Variants in HBEGF observed in about 807,000 individuals in gnomAD.
The protein encoded by HBEGF is heparin binding EGF like growth factor.
A neutral mutation model predicts 19.5 loss-of-function variants in HBEGF; 8 were observed. The ratio of observed to expected loss-of-function variants is 0.41; its 90% confidence interval spans 0.24 to 0.74. The LOEUF (loss-of-function observed/expected upper bound fraction) is 0.74. Among genes scored for constraint, HBEGF ranks in the 30% least tolerant of loss-of-function variants. The pLI, the probability that HBEGF is intolerant of heterozygous loss-of-function variation, is 0.32. For synonymous variants in HBEGF, 97 were observed against 108.9 expected (o/e 0.89, Z 0.68); for missense variants, 207 against 256.9 (o/e 0.81, Z 1.33).
intron 2 of HBEGF, among the ~76,000 whole-genome samples, chr5:140,344,562 A>G (rs950609700): frequency 6.6e-6 from 1 of 152,134 alleles, no homozygotes; most frequent in African/African-American, 2.4e-5. Flanking sequence ...TAGGATCCCC[A>G]GACCTGAAAA....
At chr5:140,342,978 T>C (rs181752600) in intron 2 of HBEGF, 166 bp from the exon 3 acceptor site, 304 of 678,486 alleles carry the variant, frequency 4.5e-4, no homozygotes, top group Non-Finnish European at 6.1e-4. Context: ...AGCAGGAAGA[T>C]TGGGCAGAAC....
Position 140,334,710 on chromosome 5 carries a change from T to G in HBEGF, c.593A>C (p.Glu198Ala). Residue 198 changes from glutamate to alanine, a missense_variant, in exon 5 of 6, where the codon GAG becomes GCG. Coordinates refer to ENST00000230990, the MANE Select transcript of HBEGF (RefSeq NM_001945.3). ...RRGGYDVENE[E>A]KVKLGMTNSH ...ATTAGTCATGCCCAACTTCACTTTC[T>G]CTTCATTTTCCACATCATAACCTCC... 1 of 1,613,978 alleles carries G rather than the reference T, an allele frequency of 6.2e-7. No individual in the cohort carries two copies. The highest frequency in any genetic ancestry group is 8.5e-7 in the Non-Finnish European group (1 of 1,179,838).
At chr5:140,344,871 G>A (rs1766373784) in intron 2 of HBEGF, among the ~76,000 whole-genome samples, 1 of 151,366 alleles carries the variant, frequency 6.6e-6, no homozygotes, top group Admixed American at 6.6e-5. Flanking sequence ...GTGGGGGTGG[G>A]GTGAGTCACA....
chr5:140,346,324 T>C lies in HBEGF; in HGVS notation c.5A>G (p.Lys2Arg). 1 of 1,608,756 alleles carries C rather than the reference T, an allele frequency of 6.2e-7. No individual in the cohort carries two copies. Among genetic ancestry groups the C allele is most frequent in the Non-Finnish European group, 8.5e-7 (1 of 1,177,896 alleles). The change falls in exon 1 of 6, where the codon AAG (lysine) becomes AGG (arginine). Residue 2 changes from lysine (K) to arginine (R), a missense_variant. Physicochemically the swap from Lys to Arg is conservative, Grantham distance 26. Coordinates refer to ENST00000230990, the MANE Select transcript of HBEGF (RefSeq NM_001945.3). The surrounding 1 kb of genome is among the most constrained non-coding windows in gnomAD (Gnocchi z 6.1). ...CTTCAGCACCACCGACGGCAGCAGC[T>C]TCATGGTCCCGCACCGAGAGGAGGC... is the stretch of plus-strand genomic sequence containing the variant. Reference protein sequence around the residue: MKLLPSVVLKLF... With the variant: MRLLPSVVLKLF...
Position 140,334,743 on chromosome 5 carries a change from T to C in HBEGF, c.560A>G (p.His187Arg), listed in dbSNP as rs149484734. 1.2e-6 allele frequency: 2 copies of C among 1,612,680 alleles called. No individual in the cohort carries two copies. The highest frequency in any genetic ancestry group is 2.2e-5 in the South Asian group (2 of 91,062). Residue 187 changes from histidine (H) to arginine (R), a missense_variant, in exon 5 of 6, where the codon CAT (histidine) becomes CGT (arginine). By Grantham distance (29) the His-to-Arg change is conservative. Transcript: ENST00000230990. The part of the protein sequence containing the change: ...VIVGLLMFRY[H>R]RRGGYDVENE... ...TTCCACATCATAACCTCCTCTCCTA[T>C]GGTACCTGAGGAAGATAAGTTTTGT...
chr5:140,340,566 G>A lies in HBEGF; in HGVS notation c.398+2069C>T, dbSNP rs558852324. On this transcript the variant is annotated intron_variant, in intron 3 of 5. Coordinates refer to ENST00000230990, the MANE Select transcript of HBEGF (RefSeq NM_001945.3). Reference sequence around the variant, plus strand: ...CCACTGCACCCCAGCATGGGAGACAGAGTGAGACTCTGTCTCAAAAAAAAA... The same window carrying A: ...CCACTGCACCCCAGCATGGGAGACAAAGTGAGACTCTGTCTCAAAAAAAAA... Among the ~76,000 whole-genome samples, 6 of 111,460 alleles carry A rather than the reference G, an allele frequency of 5.4e-5. No individual in the cohort carries two copies. The East Asian group carries it at 1.6e-3, about 30-fold the overall frequency. The allele number at this position is 111,460 out of a possible 152,430, so 73.1% of individuals were successfully genotyped here. A position where few individuals can be genotyped will look rare whatever the true frequency, so the allele number is the denominator to read the frequency against.
rs143077012 is a variant in HBEGF, at chr5:140,335,892, G to A, written c.534C>T (p.Ile178=). Reference sequence around the variant, plus strand: ...CTCACCTAAACATGAGAAGCCCCACGATGACCAGCAGACAGACAGATGACA... The same window carrying A: ...CTCACCTAAACATGAGAAGCCCCACAATGACCAGCAGACAGACAGATGACA... ...VVLSSVCLLV[I]VGLLMFRYHR... Residue 178 remains isoleucine (I), a synonymous_variant, in exon 4 of 6, where the codon ATC becomes ATT. Coordinates refer to ENST00000230990, the MANE Select transcript of HBEGF (RefSeq NM_001945.3). 19 of 1,614,012 alleles carry A rather than the reference G, an allele frequency of 1.2e-5. No homozygotes were observed. The highest frequency in any genetic ancestry group is 2.7e-5 in the African/African-American group (2 of 74,912).
At chr5:140,336,371 C>T (rs749770838) in intron 3 of HBEGF, among the ~76,000 whole-genome samples, 18 of 152,212 alleles carry the variant, frequency 1.2e-4, no homozygotes, top group Non-Finnish European at 2.4e-4. Flanking sequence ...TGTGTTCAGG[C>T]GTTCTGTTTA....
At chr5:140,335,288 G>A (rs899530881) in intron 4 of HBEGF, among the ~76,000 whole-genome samples, 3 of 151,396 alleles carry the variant, frequency 2.0e-5, no homozygotes, top group East Asian at 2.0e-4. Flanking sequence ...GGAGGCTGAG[G>A]CAGGAGAATG....
rs776657466 is a variant in HBEGF, at chr5:140,336,044, CAAG to C, written c.399-20_399-18del. 3 of 1,611,672 alleles carry C rather than the reference CAAG, an allele frequency of 1.9e-6. No homozygotes were observed. Among genetic ancestry groups the C allele is most frequent in the East Asian group, 4.5e-5 (2 of 44,868 alleles). On this transcript the variant is annotated intron_variant, in intron 3 of 5. Transcript: ENST00000230990. ...GGGTGGCAGCTAGTTCAAGACAGAACAAGAAGGAGATGGAGTTAGTGCTTTGGC... is the reference window on the plus strand; with the variant it reads ...GGGTGGCAGCTAGTTCAAGACAGAACAAGGAGATGGAGTTAGTGCTTTGGC...
intron 3 of HBEGF, among the ~76,000 whole-genome samples, chr5:140,336,828 C>CTTTTTTTTT (rs1160533557): frequency 1.5e-5 from 2 of 129,814 alleles, no homozygotes; most frequent in Admixed American, 7.7e-5. Flanking sequence ...TTTTCTTTTT[C>CTTTTTTTTT]TTTTTTTTTT....
At chr5:140,334,953 C>A in intron 4 of HBEGF, 1 of 602,498 alleles carries the variant, frequency 1.7e-6, no homozygotes, top group Non-Finnish European at 3.0e-6. Flanking sequence ...TTACAAATAG[C>A]TTTCACCTCA....
chr5:140,336,501 G>A (rs905392978), intron 3 of HBEGF, among the ~76,000 whole-genome samples: 3 of 152,180 alleles, frequency 2.0e-5, no homozygotes, highest in South Asian at 2.1e-4. Context: ...CTTCCCCATC[G>A]TGCTTCCAGC....
intron 3 of HBEGF, among the ~76,000 whole-genome samples, chr5:140,337,176 A>G (rs1766241139): frequency 6.6e-6 from 1 of 152,170 alleles, no homozygotes; most frequent in South Asian, 2.1e-4. Context: ...AAGCTCTTAG[A>G]AAGACTCAGA....
chr5:140,346,099 C>A lies in HBEGF; in HGVS notation c.47-15G>T. On this transcript the variant is annotated splice_polypyrimidine_tract_variant and intron_variant, in intron 1 of 5. Transcript: ENST00000230990. This position sits in a 1 kb window ranked among gnomAD's most constrained non-coding sequence, Gnocchi z 6.1. Reference sequence around the variant, plus strand: ...TGCCGAGAGAACTGCGGGCGAGAGGCCAGGCCGCATCAGACACCCGCCCAG... The same window carrying A: ...TGCCGAGAGAACTGCGGGCGAGAGGACAGGCCGCATCAGACACCCGCCCAG... 1 of 1,606,962 alleles carries A rather than the reference C, an allele frequency of 6.2e-7. No homozygotes were observed. The highest frequency in any genetic ancestry group is 8.5e-7 in the Non-Finnish European group (1 of 1,176,370).
At chr5:140,345,835 A>G in intron 2 of HBEGF, 76 bp downstream of exon 2, 1 of 1,581,264 alleles carries the variant, frequency 6.3e-7, no homozygotes, top group East Asian at 2.2e-5. Flanking sequence ...AGTATTGCCC[A>G]AACAGCAAGA....
At position 140,346,591 on chromosome 5, in the gene HBEGF, C is replaced by G. The variant is rs1046237361; in HGVS notation, c.-263G>C. ...AGCCAGCAGCGTGGCCCGCGTAGCT[C>G]CTTCGGCCGAATGAGCGCTGCCCGG... On this transcript the variant is annotated 5_prime_UTR_variant, in exon 1 of 6. Transcript: ENST00000230990. This position sits in a 1 kb window ranked among gnomAD's most constrained non-coding sequence, Gnocchi z 6.1. 48 of 517,084 alleles carry G rather than the reference C, an allele frequency of 9.3e-5. No homozygotes were observed. The Admixed American group carries it at 1.4e-3, about 15-fold the overall frequency. The allele number at this position is 517,084 out of a possible 1,614,324, so 32.0% of individuals were successfully genotyped here.
Position 140,346,415 on chromosome 5 carries a change from G to C in HBEGF, c.-87C>G, listed in dbSNP as rs577735213. The stretch of plus-strand genomic sequence containing the variant: ...GCTGGCACCAGAGCTGGGCGGCGGA[G>C]CTCAGGAGATTCCGCCGGGCACCGT... On this transcript the variant is annotated 5_prime_UTR_variant, in exon 1 of 6. Transcript: ENST00000230990. The surrounding 1 kb of genome is among the most constrained non-coding windows in gnomAD (Gnocchi z 6.1). 4 of 1,448,354 alleles carry C rather than the reference G, an allele frequency of 2.8e-6. No homozygotes were observed. The highest frequency in any genetic ancestry group is 4.0e-5 in the Admixed American group (2 of 50,126). The allele number at this position is 1,448,354 out of a possible 1,614,324, so 89.7% of individuals were successfully genotyped here. A position where few individuals can be genotyped will look rare whatever the true frequency, so the allele number is the denominator to read the frequency against.
At chr5:140,336,832 T>TC (rs1407816953) in intron 3 of HBEGF, among the ~76,000 whole-genome samples, 2 of 145,670 alleles carry the variant, frequency 1.4e-5, no homozygotes, top group African/African-American at 2.5e-5. Context: ...CTTTTTCTTT[T>TC]TTTTTTTTTT....
Sources: gnomAD v4.1 joint callset for allele counts (sites outside exome capture counted in the v4.1 genomes callset) on GRCh38, gnomAD v4.1.1 for gene constraint, Gnocchi (gnomAD v3.1) non-coding constraint, MANE v1.5 for transcripts, NCBI Gene and HGNC (gene_info 2026-07-23, HGNC 2026-07-21) for gene names.